GABBR2: variants seen among roughly 807,000 people sequenced by gnomAD.
GABBR2 encodes G-protein coupled receptor 51.
A neutral mutation model predicts 105.6 loss-of-function variants in GABBR2; 23 were observed. The observed-to-expected ratio is 0.22, with a 90% confidence interval of 0.16 to 0.31. The LOEUF (loss-of-function observed/expected upper bound fraction) is 0.31, where lower values mean the gene tolerates loss of function less well. Ranked by LOEUF, GABBR2 falls within the 10% of genes least tolerant of loss-of-function variation. The pLI, the probability that GABBR2 is intolerant of heterozygous loss-of-function variation, is 1.00. For missense variants in GABBR2, 734 were observed against 1,245.5 expected (o/e 0.59, Z 6.18); for synonymous variants, 478 against 499.7 (o/e 0.96, Z 0.58).
intron 7 of GABBR2, among the ~76,000 whole-genome samples, chr9:98,427,110 G>T (rs1463439804): frequency 6.6e-6 from 1 of 152,236 alleles, no homozygotes; most frequent in African/African-American, 2.4e-5. Context: ...GGGTCAGGAG[G>T]TTCTTCTAGC....
chr9:98,586,958 G>A (rs1409755424), intron 1 of GABBR2, among the ~76,000 whole-genome samples: 1 of 152,104 alleles, frequency 6.6e-6, no homozygotes, highest in Non-Finnish European at 1.5e-5. Context: ...GTTTCTCTAG[G>A]GTATAAACCT....
At chr9:98,293,729 G>C in intron 18 of GABBR2, 56 bp downstream of exon 18, 2 of 969,890 alleles carry the variant, frequency 2.1e-6, no homozygotes, top group Non-Finnish European at 3.3e-6. Flanking sequence ...GCAAACTCTT[G>C]TGCAGGAGTG....
intron 7 of GABBR2, among the ~76,000 whole-genome samples, chr9:98,435,033 G>A (rs907354368): frequency 2.6e-5 from 4 of 152,170 alleles, no homozygotes; most frequent in Non-Finnish European, 4.4e-5. Flanking sequence ...TGCCTCCATA[G>A]ATCATGAAAG....
intron 4 of GABBR2, among the ~76,000 whole-genome samples, chr9:98,481,438 C>T (rs1564086817): frequency 6.6e-6 from 1 of 152,216 alleles, no homozygotes; most frequent in Non-Finnish European, 1.5e-5. Flanking sequence ...GAGTTTGTGG[C>T]AGAGACAAGA....
chr9:98,607,424 A>G, intron 1 of GABBR2: 1 of 628,852 alleles, frequency 1.6e-6, no homozygotes, highest in Non-Finnish European at 2.9e-6. Flanking sequence ...ACACACTCAC[A>G]CCAGAGGAAT....
chr9:98,496,186 T>C, intron 4 of GABBR2: 1 of 566,930 alleles, frequency 1.8e-6, no homozygotes, highest in Non-Finnish European at 3.2e-6. Flanking sequence ...ATCAGGAAAG[T>C]GCTCAGTGGC....
intron 1 of GABBR2, among the ~76,000 whole-genome samples, chr9:98,645,755 T>C (rs969137364): frequency 6.6e-6 from 1 of 152,216 alleles, no homozygotes; most frequent in Non-Finnish European, 1.5e-5. Flanking sequence ...TTGAGCACTA[T>C]TGAACCTTCA....
At chr9:98,593,750 C>T (rs1564125031) in intron 1 of GABBR2, among the ~76,000 whole-genome samples, 1 of 152,190 alleles carries the variant, frequency 6.6e-6, no homozygotes, top group Admixed American at 6.5e-5. Flanking sequence ...CCACTGGCCG[C>T]CTGCTCACAG....
chr9:98,514,271 A>T (rs62575975), intron 3 of GABBR2, among the ~76,000 whole-genome samples: 5 of 131,102 alleles, frequency 3.8e-5, no homozygotes, highest in Non-Finnish European at 8.7e-5. Context: ...GGGGGAGGGG[A>T]GAGGGATAGC....
intron 1 of GABBR2, among the ~76,000 whole-genome samples, chr9:98,654,355 C>CA (rs1830151512): frequency 6.6e-6 from 1 of 152,238 alleles, no homozygotes; most frequent in Admixed American, 6.5e-5. Context: ...ATCTGTCTTA[C>CA]ATGTGAGCTC....
chr9:98,632,207 C>T (rs1039074360), intron 1 of GABBR2, among the ~76,000 whole-genome samples: 10 of 152,296 alleles, frequency 6.6e-5, no homozygotes, highest in East Asian at 1.9e-4. Flanking sequence ...GGAAGGGTCA[C>T]GGTGAGTTAT....
At chr9:98,527,892 CA>C (rs1476030190) in intron 3 of GABBR2, among the ~76,000 whole-genome samples, 1 of 152,164 alleles carries the variant, frequency 6.6e-6, no homozygotes. Context: ...CTGAGGTACC[CA>C]TTCCAGCATA....
In GABBR2 at chr9:98,454,364, CACA is replaced by C; in HGVS notation, c.1000-150_1000-148del. 1.5e-6 allele frequency: 1 copy of C among 659,982 alleles called. No homozygotes were observed. Among genetic ancestry groups the C allele is most frequent in the Non-Finnish European group, 2.7e-6 (1 of 363,890 alleles). 40.9% of individuals were successfully genotyped at this position (659,982 alleles called of 1,614,324 possible). A position where few individuals can be genotyped will look rare whatever the true frequency, so the allele number is the denominator to read the frequency against. ...TACGTGCATTATCTCATTTAACCCTCACAACAACCTCATAAGGTGGGTACTGTT... is the reference window on the plus strand; with the variant it reads ...TACGTGCATTATCTCATTTAACCCTCACAACCTCATAAGGTGGGTACTGTT... On this transcript the variant is annotated intron_variant, in intron 6 of 18. Coordinates refer to ENST00000259455, the MANE Select transcript of GABBR2 (RefSeq NM_005458.8). The surrounding 1 kb of genome is among the most constrained non-coding windows in gnomAD (Gnocchi z 4.6).
At chr9:98,704,952 CAA>C (rs10586853) in intron 1 of GABBR2, among the ~76,000 whole-genome samples, 28,572 of 139,680 alleles carry the variant, frequency 0.2, 2,922 homozygotes, top group South Asian at 0.3. Context: ...CCAACTCTTT[CAA>C]AAAAAAAAAA....
chr9:98,666,038 C>G (rs1351036258), intron 1 of GABBR2, among the ~76,000 whole-genome samples: 1 of 152,180 alleles, frequency 6.6e-6, no homozygotes, highest in African/African-American at 2.4e-5. Context: ...TACATAACAT[C>G]ACCTCAAACC....
chr9:98,293,727 T>C, intron 18 of GABBR2, 58 bp downstream of exon 18: 2 of 937,284 alleles, frequency 2.1e-6, no homozygotes, highest in East Asian at 2.5e-5. Context: ...TTGCAAACTC[T>C]TGTGCAGGAG....
At chr9:98,659,529 T>C (rs1328935837) in intron 1 of GABBR2, among the ~76,000 whole-genome samples, 2 of 145,174 alleles carry the variant, frequency 1.4e-5, no homozygotes, top group Non-Finnish European at 3.0e-5. Context: ...TTCTTTTCTT[T>C]TTTTTTTTTT....
intron 3 of GABBR2, among the ~76,000 whole-genome samples, chr9:98,502,125 C>A (rs1827412828): frequency 1.3e-5 from 2 of 151,984 alleles, no homozygotes; most frequent in Non-Finnish European, 2.9e-5. Context: ...GCCTGCAAGA[C>A]ATAGGGGGAG....
intron 7 of GABBR2, among the ~76,000 whole-genome samples, chr9:98,447,845 G>C (rs77527215): frequency 6.6e-6 from 1 of 151,910 alleles, no homozygotes; most frequent in Non-Finnish European, 1.5e-5. Context: ...TCTAGGGGGT[G>C]GGGGGAGCAT....
Sources: gnomAD v4.1 joint callset for allele counts (sites outside exome capture counted in the v4.1 genomes callset) on GRCh38, gnomAD v4.1.1 for gene constraint, Gnocchi (gnomAD v3.1) non-coding constraint, MANE v1.5 for transcripts, NCBI Gene and HGNC (gene_info 2026-07-23, HGNC 2026-07-21) for gene names.